Variants in CHST11 observed in about 807,000 individuals in gnomAD.
CHST11 encodes the protein carbohydrate sulfotransferase 11, also known as C4S-1.
A neutral mutation model predicts 30.4 loss-of-function variants in CHST11; 9 were observed. The observed-to-expected ratio is 0.30, with a 90% CI of 0.18 to 0.52. CHST11 has a LOEUF of 0.52. CHST11 is among the 20% of genes least tolerant of loss of function. CHST11 has a pLI of 0.97. For synonymous variants in CHST11, 152 were observed against 187.8 expected (o/e 0.81, Z 1.56); for missense variants, 348 against 460.6 (o/e 0.76, Z 2.24).
intron 1 of CHST11, among the ~76,000 whole-genome samples, chr12:104,464,553 G>T (rs1307634751): frequency 6.6e-6 from 1 of 151,994 alleles, no homozygotes; most frequent in Non-Finnish European, 1.5e-5. Context: ...GCCCAGGTTG[G>T]AGTGTAGTGG....
chr12:104,680,831 C>G (rs566087268), intron 2 of CHST11, among the ~76,000 whole-genome samples: 4 of 152,338 alleles, frequency 2.6e-5, no homozygotes, highest in East Asian at 3.9e-4. Flanking sequence ...GCCCCGCCCC[C>G]CTGTTCCTGC....
intron 1 of CHST11, among the ~76,000 whole-genome samples, chr12:104,525,681 A>T (rs2038118134): frequency 6.6e-6 from 1 of 152,226 alleles, no homozygotes; most frequent in Admixed American, 6.5e-5. Flanking sequence ...GGATATAGTA[A>T]GTGCTATTTT....
At chr12:104,596,363 C>T (rs1432663037) in intron 1 of CHST11, among the ~76,000 whole-genome samples, 2 of 152,174 alleles carry the variant, frequency 1.3e-5, no homozygotes, top group South Asian at 2.1e-4. Context: ...CGAAGTCAAC[C>T]GAGTATTAGA....
chr12:104,702,734 G>A (rs11610463), intron 2 of CHST11, among the ~76,000 whole-genome samples: 3 of 152,132 alleles, frequency 2.0e-5, no homozygotes, highest in Admixed American at 6.5e-5. Flanking sequence ...CTTCAAGCAC[G>A]TTGTGAACAT....
intron 1 of CHST11, among the ~76,000 whole-genome samples, chr12:104,472,134 T>A (rs867089134): frequency 2.2e-5 from 3 of 135,154 alleles, no homozygotes; most frequent in Admixed American, 7.2e-5. Context: ...TTTTTGATTT[T>A]TTTTTTCTTT....
chr12:104,486,150 A>G (rs7955767), intron 1 of CHST11, among the ~76,000 whole-genome samples: 1 of 152,118 alleles, frequency 6.6e-6, no homozygotes, highest in African/African-American at 2.4e-5. Context: ...CTTCCAGTGC[A>G]TGCTGCTAGT....
At position 104,693,564 on chromosome 12, in the gene CHST11, C is replaced by T. The variant is rs577669397; in HGVS notation, c.205-63385C>T. Among the ~76,000 whole-genome samples the T allele has an allele frequency of 3.9e-5, 6 of 152,294 alleles. No individual in the cohort carries two copies. The East Asian group carries it at 5.8e-4, about 15-fold the overall frequency. On this transcript the variant is annotated intron_variant, in intron 2 of 2. Coordinates refer to ENST00000303694, the MANE Select transcript of CHST11 (RefSeq NM_018413.6). ...ATGGTGCCTGCCCTTGTGGAGTCTACAGTCCACTGGATGGGAGACAAGAAA... is the reference window on the plus strand; with the variant it reads ...ATGGTGCCTGCCCTTGTGGAGTCTATAGTCCACTGGATGGGAGACAAGAAA...
chr12:104,712,791 G>A (rs563633043), intron 2 of CHST11, among the ~76,000 whole-genome samples: 1 of 152,194 alleles, frequency 6.6e-6, no homozygotes, highest in South Asian at 2.1e-4. Flanking sequence ...TTTCTCCTGG[G>A]CTGAATGAAT....
intron 1 of CHST11, among the ~76,000 whole-genome samples, chr12:104,561,772 G>A (rs201420917): frequency 2.0e-5 from 3 of 151,052 alleles, no homozygotes; most frequent in East Asian, 1.9e-4. Flanking sequence ...GTCTTACTGC[G>A]TAGGTCCCAT....
chr12:104,713,369 T>C (rs1459242077), intron 2 of CHST11, among the ~76,000 whole-genome samples: 1 of 152,064 alleles, frequency 6.6e-6, no homozygotes, highest in Non-Finnish European at 1.5e-5. Context: ...CCCTCCAGGA[T>C]AGAAATCAGC....
chr12:104,670,891 CAT>C (rs1025837386), intron 2 of CHST11, among the ~76,000 whole-genome samples: 1 of 151,722 alleles, frequency 6.6e-6, no homozygotes, highest in Non-Finnish European at 1.5e-5. Context: ...GAAACACACA[CAT>C]ACATACATGC....
intron 1 of CHST11, among the ~76,000 whole-genome samples, chr12:104,470,913 T>C (rs1470659827): frequency 6.6e-6 from 1 of 152,198 alleles, no homozygotes; most frequent in African/African-American, 2.4e-5. Context: ...ATAAAGGCCT[T>C]AAGCTCAGCT....
At chr12:104,545,473 C>A (rs1592755588) in intron 1 of CHST11, among the ~76,000 whole-genome samples, 1 of 152,158 alleles carries the variant, frequency 6.6e-6, no homozygotes, top group Admixed American at 6.5e-5. Context: ...AAATAACAGT[C>A]CTTGTCTCTC....
In CHST11 at chr12:104,544,149, AG is replaced by A. The variant is rs1565981195; in HGVS notation, c.119-57756del. Reference sequence around the variant, plus strand: ...TTAAAAAAAAAAAAAAAAGAAAGAAAGAAAGAAAGAAAGAAAGAAAGAAAGA... The same window carrying A: ...TTAAAAAAAAAAAAAAAAGAAAGAAAAAAGAAAGAAAGAAAGAAAGAAAGA... On this transcript the variant is annotated intron_variant, in intron 1 of 2. Transcript: ENST00000303694. Among the ~76,000 whole-genome samples, 49 of 137,170 alleles carry A rather than the reference AG, an allele frequency of 3.6e-4. 3 individuals carry two copies. Among genetic ancestry groups the A allele is most frequent in the African/African-American group, 4.2e-4 (15 of 36,028 alleles). The allele number at this position is 137,170 out of a possible 152,430, so 90.0% of individuals were successfully genotyped here. A position where few individuals can be genotyped will look rare whatever the true frequency, so the allele number is the denominator to read the frequency against.
At chr12:104,737,136 C>A (rs984160760) in intron 2 of CHST11, among the ~76,000 whole-genome samples, 3 of 152,200 alleles carry the variant, frequency 2.0e-5, no homozygotes, top group Non-Finnish European at 4.4e-5. Flanking sequence ...TCAGAACTTC[C>A]CGACTAAGAA....
chr12:104,735,173 T>G (rs1161909213), intron 2 of CHST11, among the ~76,000 whole-genome samples: 1 of 152,202 alleles, frequency 6.6e-6, no homozygotes, highest in Non-Finnish European at 1.5e-5. Context: ...TCCAGTTACC[T>G]GGGTTCAAAT....
At chr12:104,709,686 C>G (rs1426577129) in intron 2 of CHST11, among the ~76,000 whole-genome samples, 1 of 152,104 alleles carries the variant, frequency 6.6e-6, no homozygotes, top group East Asian at 1.9e-4. Context: ...CCCTGCGGTC[C>G]ATTTCTATGA....
intron 1 of CHST11, among the ~76,000 whole-genome samples, chr12:104,485,319 C>T (rs1284410651): frequency 1.3e-5 from 2 of 152,198 alleles, no homozygotes; most frequent in African/African-American, 4.8e-5. Flanking sequence ...GGCACGACAG[C>T]AAATGATTCC....
At chr12:104,673,317 G>C (rs1434278590) in intron 2 of CHST11, among the ~76,000 whole-genome samples, 4 of 152,188 alleles carry the variant, frequency 2.6e-5, no homozygotes, top group African/African-American at 9.7e-5. Context: ...TCAGCCTACT[G>C]TACCTGTTAA....
Sources: allele counts gnomAD v4.1 joint callset (sites outside exome capture counted in the v4.1 genomes callset), GRCh38; gene constraint gnomAD v4.1.1; transcripts MANE v1.5; gene names NCBI Gene and HGNC (gene_info 2026-07-23, HGNC 2026-07-21).